RGL1: variants seen among roughly 807,000 people sequenced by gnomAD.
The protein encoded by RGL1 is ral guanine nucleotide dissociation stimulator like 1, also known as ral guanine nucleotide dissociation stimulator-like 1.
Under a neutral mutation model 95.2 loss-of-function variants are expected in RGL1, and 24 were observed. The observed-to-expected ratio is 0.25, with a 90% CI of 0.18 to 0.35. The LOEUF (loss-of-function observed/expected upper bound fraction) is 0.35, where lower values mean the gene tolerates loss of function less well. Ranked by LOEUF, RGL1 falls within the 10% of genes least tolerant of loss-of-function variation. The pLI is 1.00. For missense variants in RGL1, 715 were observed against 936.3 expected, an observed-to-expected ratio of 0.76 and a Z score of 3.08; for synonymous variants, 329 against 344.9, an observed-to-expected ratio of 0.95 and a Z score of 0.51.
At chr1:183,748,642 G>A (rs76152664) in intron 2 of RGL1, among the ~76,000 whole-genome samples, 8 of 152,100 alleles carry the variant, frequency 5.3e-5, no homozygotes, top group South Asian at 4.2e-4. Flanking sequence ...TCCTGACCTC[G>A]TGATCTGCCT....
At chr1:183,673,848 T>C (rs1019225152) in intron 1 of RGL1, among the ~76,000 whole-genome samples, 2 of 152,174 alleles carry the variant, frequency 1.3e-5, no homozygotes, top group Non-Finnish European at 2.9e-5. Flanking sequence ...ACATGGTGCA[T>C]TGGGTTTGCA....
intron 2 of RGL1, among the ~76,000 whole-genome samples, chr1:183,810,150 C>T (rs1661610000): frequency 6.6e-6 from 1 of 152,102 alleles, no homozygotes; most frequent in South Asian, 2.1e-4. Flanking sequence ...GATGAATACT[C>T]AAAGGGACAG....
At chr1:183,765,773 AAAC>A (rs1658930440) in intron 2 of RGL1, among the ~76,000 whole-genome samples, 1 of 152,340 alleles carries the variant, frequency 6.6e-6, no homozygotes, top group East Asian at 1.9e-4. Flanking sequence ...AATCAAAGCA[AAAC>A]AACAATTGTG....
At chr1:183,708,291 C>T (rs1009728293) in intron 1 of RGL1, among the ~76,000 whole-genome samples, 1 of 152,014 alleles carries the variant, frequency 6.6e-6, no homozygotes, top group Admixed American at 6.5e-5. Flanking sequence ...CCTGGACGGC[C>T]GGAGGGAGAT....
intron 14 of RGL1, 27 bp from the exon 15 acceptor site, chr1:183,912,055 A>C (rs1190973314): frequency 6.2e-7 from 1 of 1,603,660 alleles, no homozygotes; most frequent in Non-Finnish European, 8.5e-7. Context: ...TAACAGCCCA[A>C]ATGCTTGGCA....
At chr1:183,654,803 G>T (rs1462764278) in intron 1 of RGL1, among the ~76,000 whole-genome samples, 2 of 152,198 alleles carry the variant, frequency 1.3e-5, no homozygotes, top group Non-Finnish European at 2.9e-5. Context: ...GGTGATTTTA[G>T]GGATAGGCAA....
intron 11 of RGL1, among the ~76,000 whole-genome samples, chr1:183,901,332 C>G (rs898256480): frequency 6.6e-6 from 1 of 151,684 alleles, no homozygotes; most frequent in African/African-American, 2.4e-5. Flanking sequence ...AATAAAAATA[C>G]AAAAATTAGC....
chr1:183,801,025 T>C (rs1027192023), upstream of RGL1, among the ~76,000 whole-genome samples: 2 of 100,706 alleles, frequency 2.0e-5, no homozygotes, highest in Non-Finnish European at 4.1e-5. Flanking sequence ...TATATGGTAG[T>C]TCTCTTTAAT....
chr1:183,883,969 A>G, intron 6 of RGL1, 59 bp downstream of exon 6: 1 of 1,577,436 alleles, frequency 6.3e-7, no homozygotes, highest in Non-Finnish European at 8.7e-7. Context: ...GAGTGATGGC[A>G]CTGGTGCCCC....
At chr1:183,686,818 T>A (rs907099320) in intron 1 of RGL1, among the ~76,000 whole-genome samples, 2 of 152,084 alleles carry the variant, frequency 1.3e-5, no homozygotes, top group African/African-American at 4.8e-5. Flanking sequence ...ATATGCAATT[T>A]AAAAAAATAC....
chr1:183,821,664 C>G (rs1443298244), intron 2 of RGL1, among the ~76,000 whole-genome samples: 1 of 152,130 alleles, frequency 6.6e-6, no homozygotes, highest in Non-Finnish European at 1.5e-5. Flanking sequence ...TAGTGCTCAT[C>G]CTAAAAGCAG....
chr1:183,860,460 C>T (rs973190359), intron 3 of RGL1, among the ~76,000 whole-genome samples: 2 of 152,186 alleles, frequency 1.3e-5, no homozygotes, highest in African/African-American at 4.8e-5. Context: ...TTTCTATTCA[C>T]GCTCACTCAG....
intron 2 of RGL1, among the ~76,000 whole-genome samples, chr1:183,826,909 CT>C (rs1036205996): frequency 4.6e-5 from 7 of 151,338 alleles, no homozygotes; most frequent in Admixed American, 1.3e-4. Flanking sequence ...TTAAATGTAC[CT>C]TTTTTTTTCT....
intron 1 of RGL1, among the ~76,000 whole-genome samples, chr1:183,668,017 G>A (rs931180922): frequency 7.5e-6 from 1 of 133,756 alleles, no homozygotes; most frequent in African/African-American, 2.7e-5. Context: ...GTGTGTGTGT[G>A]TGTGTGTGTC....
At chr1:183,902,480 T>G in intron 11 of RGL1, 88 bp from the exon 12 acceptor site, 5 of 1,022,820 alleles carry the variant, frequency 4.9e-6, no homozygotes, top group Non-Finnish European at 7.1e-6. Context: ...ATCACCCCTT[T>G]GATCTATTTT....
intron 1 of RGL1, among the ~76,000 whole-genome samples, chr1:183,732,305 G>T (rs1342909868): frequency 6.6e-6 from 1 of 152,136 alleles, no homozygotes; most frequent in Non-Finnish European, 1.5e-5. Flanking sequence ...AAAAGTTTAA[G>T]GAGGGAAGAA....
chr1:183,711,726 T>C (rs762930738), intron 1 of RGL1, among the ~76,000 whole-genome samples: 9 of 151,812 alleles, frequency 5.9e-5, no homozygotes, highest in Non-Finnish European at 8.8e-5. Context: ...AGCTTAGCCC[T>C]GGTTGCCATA....
chr1:183,836,548 G>A (rs527463464), intron 2 of RGL1, among the ~76,000 whole-genome samples: 139 of 152,188 alleles, frequency 9.1e-4, no homozygotes, highest in African/African-American at 3.1e-3. Flanking sequence ...GAATACAGGC[G>A]TGAGCCACTG....
chr1:183,744,047 A>T (rs998778230), intron 2 of RGL1, among the ~76,000 whole-genome samples: 5 of 152,166 alleles, frequency 3.3e-5, no homozygotes, highest in Admixed American at 3.3e-4. Flanking sequence ...TCTGCTCAGG[A>T]TGCAAAGCTG....
Sources: allele counts gnomAD v4.1 joint callset (sites outside exome capture counted in the v4.1 genomes callset), GRCh38; gene constraint gnomAD v4.1.1; transcripts MANE v1.5; gene names NCBI Gene and HGNC (gene_info 2026-07-23, HGNC 2026-07-21).